Variants in VGLL4 observed in about 807,000 individuals in gnomAD.
VGLL4 encodes the protein vestigial like family member 4.
Under a neutral mutation model 21.0 loss-of-function variants are expected in VGLL4, and 7 were observed. The ratio of observed to expected loss-of-function variants is 0.33; its 90% CI spans 0.19 to 0.63. VGLL4 has a LOEUF of 0.63. Among genes scored for constraint, VGLL4 ranks in the 20% least tolerant of loss-of-function variants. The pLI, the probability that VGLL4 is intolerant of heterozygous loss-of-function variation, is 0.78. For missense variants in VGLL4, 394 were observed against 425.7 expected, an observed-to-expected ratio of 0.93 and a Z score of 0.66; for synonymous variants, 222 against 173.2, an observed-to-expected ratio of 1.28 and a Z score of -2.21.
intron 2 of VGLL4, among the ~76,000 whole-genome samples, chr3:11,601,586 T>C (rs1347675829): frequency 2.0e-5 from 3 of 152,222 alleles, no homozygotes; most frequent in Non-Finnish European, 4.4e-5. Context: ...TTAACTTCTA[T>C]GGAGTTTAAC....
rs1192624573 is a variant in VGLL4, at chr3:11,665,111, T to C, written c.64+37860A>G. Among the ~76,000 whole-genome samples, 8 of 125,006 alleles carry C rather than the reference T, an allele frequency of 6.4e-5. 2 individuals carry two copies. Among genetic ancestry groups the C allele is most frequent in the Admixed American group, 1.6e-4 (2 of 12,708 alleles). The allele number at this position is 125,006 out of a possible 152,430, so 82.0% of individuals were successfully genotyped here. A position where few individuals can be genotyped will look rare whatever the true frequency, so the allele number is the denominator to read the frequency against. On this transcript the variant is annotated intron_variant, in intron 2 of 5. Transcript: ENST00000273038. ...AATTTGAATATTTTTCTTTTTTTTT[T>C]TTTTTTTTTTTTTTTTTTTTGAGAC...
At chr3:11,702,645 T>TA in intron 2 of VGLL4, 1 of 142,834 alleles carries the variant, frequency 7.0e-6, no homozygotes, top group Non-Finnish European at 1.5e-5. Context: ...ATAAATAAAT[T>TA]AAATTAAATA....
chr3:11,573,249 A>G (rs9852814), intron 2 of VGLL4, among the ~76,000 whole-genome samples: 20,054 of 34,318 alleles, frequency 0.58, 3,919 homozygotes, highest in South Asian at 0.65. Context: ...GAAATAGAGA[A>G]AGAAAGAAAG....
At chr3:11,626,700 G>T (rs1409537098) in intron 1 of VGLL4, among the ~76,000 whole-genome samples, 1 of 152,168 alleles carries the variant, frequency 6.6e-6, no homozygotes, top group Non-Finnish European at 1.5e-5. Flanking sequence ...AGAACAGTTG[G>T]CTGAAACTTC....
chr3:11,665,847 C>T (rs1192272420), intron 2 of VGLL4, among the ~76,000 whole-genome samples: 3 of 152,258 alleles, frequency 2.0e-5, no homozygotes, highest in Non-Finnish European at 4.4e-5. Context: ...CAAAATAAAG[C>T]AGGAAAGTGC....
chr3:11,671,183 A>G, intron 2 of VGLL4: 1 of 1,465,516 alleles, frequency 6.8e-7, no homozygotes, highest in South Asian at 1.3e-5. Context: ...TTTTCTTTGC[A>G]ATACTATTTT....
intron 1 of VGLL4, among the ~76,000 whole-genome samples, chr3:11,715,822 T>C (rs1488722770): frequency 2.0e-5 from 3 of 152,202 alleles, no homozygotes; most frequent in East Asian, 3.8e-4. Flanking sequence ...CCTTATTTAA[T>C]ACCTATTGTT....
intron 2 of VGLL4, among the ~76,000 whole-genome samples, chr3:11,578,061 C>T (rs73812484): frequency 3.2e-4 from 49 of 152,296 alleles, no homozygotes; most frequent in African/African-American, 1.1e-3. Flanking sequence ...TTCCATTTAT[C>T]GTAGCACGTT....
intron 2 of VGLL4, among the ~76,000 whole-genome samples, chr3:11,675,777 T>A (rs946451472): frequency 6.6e-6 from 1 of 152,182 alleles, no homozygotes. Flanking sequence ...AGCAAATACA[T>A]TATATAAGTT....
chr3:11,668,673 T>A (rs1002993473), intron 2 of VGLL4, among the ~76,000 whole-genome samples: 1 of 152,182 alleles, frequency 6.6e-6, no homozygotes, highest in Non-Finnish European at 1.5e-5. Flanking sequence ...GATCTTATCA[T>A]TTAATTGCCA....
rs2072514065 is a variant in VGLL4, at chr3:11,557,185, G to A, written c.*1371C>T. The A allele has an allele frequency of 6.5e-6, 1 of 152,780 alleles. No homozygotes were observed. Among genetic ancestry groups the A allele is most frequent in the South Asian group, 2.1e-4 (1 of 4,834 alleles). 9.5% of individuals were successfully genotyped at this position (152,780 alleles called of 1,614,324 possible). ...AGGAGCAGCTGTGACCTCCACAGCT[G>A]TGTCTGTCATGCTTGCTTCATCTAA... On this transcript the variant is annotated 3_prime_UTR_variant, in exon 5 of 5. Coordinates refer to ENST00000430365, the MANE Select transcript of VGLL4 (RefSeq NM_001128219.3).
At position 11,666,661 on chromosome 3, in the gene VGLL4, C is replaced by T. The variant is rs182380940; in HGVS notation, c.64+36310G>A. On this transcript the variant is annotated intron_variant, in intron 2 of 5. Coordinates refer to the VGLL4 transcript ENST00000273038. ...TAAACTTTCTGGGCTCCATAAAAGA[C>T]AAATGCATATCTGGACATAATTACT... Among the ~76,000 whole-genome samples the T allele has an allele frequency of 6.4e-4, 97 of 152,282 alleles. 5 individuals carry two copies. The highest frequency in any genetic ancestry group is 6.3e-3 in the Admixed American group (97 of 15,286).
chr3:11,686,601 A>T (rs1273876575), intron 2 of VGLL4, among the ~76,000 whole-genome samples: 2 of 152,238 alleles, frequency 1.3e-5, no homozygotes, highest in African/African-American at 2.4e-5. Flanking sequence ...GTTGCCCATC[A>T]CATGTATTTA....
Position 11,568,551 on chromosome 3 carries a change from G to A in VGLL4, c.273-3532C>T. ...CAGACAAAGACACTGAAAACAGCGA[G>A]AAAAGGCCTGGAGAACTGGCTGGTT... On this transcript the variant is annotated intron_variant, in intron 2 of 4. Transcript: ENST00000430365. The surrounding 1 kb of genome is among the most constrained non-coding windows in gnomAD (Gnocchi z 5.9). 1.3e-6 allele frequency: 2 copies of A among 1,551,700 alleles called. No homozygotes were observed.
intron 2 of VGLL4, among the ~76,000 whole-genome samples, chr3:11,652,508 C>T (rs920702292): frequency 3.3e-5 from 5 of 151,032 alleles, no homozygotes; most frequent in Admixed American, 3.3e-4. Flanking sequence ...GCAACTTCTG[C>T]CCCCCGGGTT....
In VGLL4 at chr3:11,595,560, A is replaced by G. The variant is rs368278453; in HGVS notation, c.272+6273T>C. ...ACGTATGTTTATTGCAGCACTATTC[A>G]CAATAGCAAAGACTTGGAACCAACC... is the stretch of plus-strand genomic sequence containing the variant. On this transcript the variant is annotated intron_variant, in intron 2 of 4. Transcript: ENST00000430365. Among the ~76,000 whole-genome samples, 12 of 152,070 alleles carry G rather than the reference A, an allele frequency of 7.9e-5. 2 individuals are homozygous for G. The East Asian group carries it at 9.7e-4, about 12-fold the overall frequency.
chr3:11,590,682 G>GTC (rs1169717974), intron 2 of VGLL4, among the ~76,000 whole-genome samples: 1 of 149,260 alleles, frequency 6.7e-6, no homozygotes, highest in Non-Finnish European at 1.5e-5. Flanking sequence ...GTGTGTGTGT[G>GTC]TGTGTGTGTG....
At chr3:11,632,093 C>T (rs1175084471) in intron 1 of VGLL4, among the ~76,000 whole-genome samples, 3 of 152,122 alleles carry the variant, frequency 2.0e-5, no homozygotes, top group South Asian at 2.1e-4. Context: ...GCAGGCAGAT[C>T]GCCTGAGGTC....
chr3:11,558,644 C>A lies in VGLL4; in HGVS notation c.803G>T (p.Ser268Ile), dbSNP rs2072663482. Residue 268 changes from serine to isoleucine, a missense_variant, in exon 5 of 5, where the codon AGC becomes ATC. Transcript: ENST00000430365. ...GCCCCTGCGAGAGGCGGACTCAGGG[C>A]TGCTGGATGCTCCGTCCTTGGCCGC... ...IKAAKDGASS[S>I]PESASRRGQP... The A allele has an allele frequency of 6.2e-7, 1 of 1,611,372 alleles. No homozygotes were observed.
Sources: gnomAD v4.1 joint callset for allele counts (sites outside exome capture counted in the v4.1 genomes callset) on GRCh38, gnomAD v4.1.1 for gene constraint, Gnocchi (gnomAD v3.1) non-coding constraint, MANE v1.5 for transcripts, NCBI Gene and HGNC (gene_info 2026-07-23, HGNC 2026-07-21) for gene names.